The following AQP9 variants were observed in gnomAD, a reference collection of about 807,000 sequenced individuals.
The protein encoded by AQP9 is aquaporin-9.
AQP9 carries 19 observed loss-of-function variants against 23.8 expected under a neutral mutation model. The ratio of observed to expected loss-of-function variants is 0.80; its 90% CI spans 0.56 to 1.17. AQP9 has a LOEUF of 1.17. Among genes scored for constraint, AQP9 ranks in the 50% most tolerant of loss-of-function variants. The pLI is 0.00. For synonymous variants in AQP9, 153 were observed against 131.5 expected, an observed-to-expected ratio of 1.16 and a Z score of -1.12; for missense variants, 413 against 362.0, an observed-to-expected ratio of 1.14 and a Z score of -1.14.
intron 1 of AQP9, among the ~76,000 whole-genome samples, chr15:58,139,289 G>T (rs561154047): frequency 6.6e-6 from 1 of 152,268 alleles, no homozygotes; most frequent in South Asian, 2.1e-4. Context: ...TATCTTTGGA[G>T]ATTTACAAGA....
chr15:58,146,229 T>C (rs1178376455), intron 1 of AQP9, among the ~76,000 whole-genome samples: 1 of 152,180 alleles, frequency 6.6e-6, no homozygotes, highest in African/African-American at 2.4e-5. Context: ...ACTCCTACTA[T>C]ATTGGTATGC....
intron 1 of AQP9, among the ~76,000 whole-genome samples, chr15:58,160,494 C>A (rs970929811): frequency 6.6e-6 from 1 of 151,904 alleles, no homozygotes; most frequent in Non-Finnish European, 1.5e-5. Context: ...CTTTTGTGCC[C>A]TTGCTTAAGT....
intron 1 of AQP9, among the ~76,000 whole-genome samples, chr15:58,160,708 T>G (rs7167911): frequency 0.71 from 107,137 of 151,570 alleles, 37,913 homozygotes; most frequent in Admixed American, 0.78. Flanking sequence ...AAGACAAGGT[T>G]GCAGGTATAT....
chr15:58,162,274 C>T (rs1436285233), intron 1 of AQP9, among the ~76,000 whole-genome samples: 2 of 152,200 alleles, frequency 1.3e-5, no homozygotes, highest in African/African-American at 2.4e-5. Context: ...GATGAAGGGA[C>T]AAGTGTCCAA....
At chr15:58,167,974 C>T (rs751970654) in intron 2 of AQP9, among the ~76,000 whole-genome samples, 5 of 152,118 alleles carry the variant, frequency 3.3e-5, no homozygotes, top group Non-Finnish European at 7.4e-5. Context: ...ATCCACCTGC[C>T]TTGGCCTCCC....
chr15:58,177,384 A>G (rs527957923), intron 4 of AQP9, among the ~76,000 whole-genome samples: 3 of 152,344 alleles, frequency 2.0e-5, no homozygotes, highest in Admixed American at 6.5e-5. Flanking sequence ...GGACACTGAT[A>G]CAAGTAAAGT....
intron 5 of AQP9, among the ~76,000 whole-genome samples, 184 bp from the exon 6 acceptor site, chr15:58,183,777 C>T (rs1204991687): frequency 6.6e-6 from 1 of 152,120 alleles, no homozygotes; most frequent in Non-Finnish European, 1.5e-5. Flanking sequence ...CATCTGAAAT[C>T]AGGTGTAGTG....
intron 1 of AQP9, chr15:58,154,340 A>T (rs1310498181): frequency 6.6e-6 from 1 of 152,084 alleles, no homozygotes; most frequent in East Asian, 1.9e-4. Context: ...GGCCTAATGA[A>T]ACTCTATTTC....
intron 1 of AQP9, among the ~76,000 whole-genome samples, chr15:58,147,751 G>T (rs1164382400): frequency 6.6e-6 from 1 of 152,010 alleles, no homozygotes; most frequent in African/African-American, 2.4e-5. Context: ...TAAAAAAATG[G>T]GGGTGCATCT....
At chr15:58,139,569 T>C (rs1032256631) in intron 1 of AQP9, among the ~76,000 whole-genome samples, 4 of 152,240 alleles carry the variant, frequency 2.6e-5, no homozygotes, top group Admixed American at 2.6e-4. Context: ...ACTCCAGGTA[T>C]AAATAATTTC....
intron 1 of AQP9, among the ~76,000 whole-genome samples, chr15:58,146,434 T>G (rs893680453): frequency 5.3e-5 from 8 of 152,144 alleles, no homozygotes; most frequent in African/African-American, 1.9e-4. Context: ...TTTTCATTTC[T>G]ATATGTTTTA....
chr15:58,149,370 G>A (rs560054304), intron 1 of AQP9, among the ~76,000 whole-genome samples: 1 of 152,328 alleles, frequency 6.6e-6, no homozygotes, highest in Non-Finnish European at 1.5e-5. Flanking sequence ...CCATGTGAAT[G>A]TTTCCTCCTT....
chr15:58,162,561 G>A lies in AQP9; in HGVS notation c.112-4112G>A, dbSNP rs1016082670. ...ACACCTATTTAGGATGTTGTAGGGA[G>A]AATGCCTGTATCACATGCCTTCTGC... is the stretch of plus-strand genomic sequence containing the variant. On this transcript the variant is annotated intron_variant, in intron 1 of 5. Coordinates refer to ENST00000219919, the MANE Select transcript of AQP9 (RefSeq NM_020980.5). Among the ~76,000 whole-genome samples the A allele has an allele frequency of 4.6e-5, 7 of 152,312 alleles. 1 individual carries two copies. The South Asian group carries it at 1.4e-3, about 32-fold the overall frequency.
chr15:58,180,246 G>C (rs1898852083), intron 5 of AQP9, among the ~76,000 whole-genome samples: 1 of 152,196 alleles, frequency 6.6e-6, no homozygotes, highest in African/African-American at 2.4e-5. Flanking sequence ...ATGGAGAAAA[G>C]TAGGAAAAAC....
chr15:58,161,379 A>G (rs1898380112), intron 1 of AQP9, among the ~76,000 whole-genome samples: 1 of 152,274 alleles, frequency 6.6e-6, no homozygotes, highest in Non-Finnish European at 1.5e-5. Context: ...TCTTCCATGT[A>G]TGGAACCTGA....
chr15:58,179,573 T>C (rs146223543), intron 5 of AQP9, among the ~76,000 whole-genome samples: 323 of 151,870 alleles, frequency 2.1e-3, no homozygotes, highest in African/African-American at 7.1e-3. Context: ...GAGGCGGCTC[T>C]AGGTAAATTC....
chr15:58,154,619 T>C (rs1442707064), intron 1 of AQP9, among the ~76,000 whole-genome samples: 1 of 151,986 alleles, frequency 6.6e-6, no homozygotes, highest in Non-Finnish European at 1.5e-5. Context: ...TAACACCAAC[T>C]CTGTTAATAA....
rs150354150 is a variant in AQP9, at chr15:58,175,721, T to G, written c.495+685T>G. On this transcript the variant is annotated intron_variant, in intron 4 of 5. Transcript: ENST00000219919. ...TCAGTATCTCTAAGTTCTTCCTCTATGATCAGGACTTATACAGTGGAGCAG... is the reference window on the plus strand; with the variant it reads ...TCAGTATCTCTAAGTTCTTCCTCTAGGATCAGGACTTATACAGTGGAGCAG... Among the ~76,000 whole-genome samples, 1,188 of 133,318 alleles carry G rather than the reference T, an allele frequency of 8.9e-3. 19 individuals are homozygous for G. The highest frequency in any genetic ancestry group is 0.029 in the African/African-American group (1,123 of 39,068). 87.5% of individuals were successfully genotyped at this position (133,318 alleles called of 152,430 possible).
At chr15:58,143,353 G>A (rs1321630394) in intron 1 of AQP9, among the ~76,000 whole-genome samples, 2 of 152,142 alleles carry the variant, frequency 1.3e-5, no homozygotes, top group African/African-American at 4.8e-5. Context: ...GGGCAAAGGA[G>A]GTTAACACTA....
Sources: gnomAD v4.1 joint callset for allele counts (sites outside exome capture counted in the v4.1 genomes callset) on GRCh38, gnomAD v4.1.1 for gene constraint, MANE v1.5 for transcripts, NCBI Gene and HGNC (gene_info 2026-07-23, HGNC 2026-07-21) for gene names.